The following LRRC7 variants were observed in gnomAD, a reference collection of about 807,000 sequenced individuals.
The protein encoded by LRRC7 is leucine rich repeat containing 7.
Under a neutral mutation model 175.7 loss-of-function variants are expected in LRRC7, and 23 were observed. The observed-to-expected ratio is 0.13, with a 90% CI of 0.09 to 0.19. LRRC7 has a LOEUF of 0.19. Ranked by LOEUF, LRRC7 falls within the 10% of genes least tolerant of loss-of-function variation. LRRC7 has a pLI of 1.00. For synonymous variants in LRRC7, 685 were observed against 680.9 expected, an observed-to-expected ratio of 1.01 and a Z score of -0.09; for missense variants, 1,354 against 1,904.7, an observed-to-expected ratio of 0.71 and a Z score of 5.38.
rs924326440 is a variant in LRRC7, at chr1:69,634,381, C to T, written c.3-44000C>T. 5.9e-5 allele frequency among the ~76,000 whole-genome samples: 9 copies of T among 152,042 alleles called. No homozygotes were observed. In the South Asian group the frequency reaches 1.4e-3, roughly 24 times the overall value. ...TTAGATAATACATTATATATTCATG[C>T]GGTCTGCAAGATCTTTGAGATAATC... On this transcript the variant is annotated intron_variant, in intron 1 of 26. Transcript: ENST00000651989.
intron 7 of LRRC7, among the ~76,000 whole-genome samples, chr1:69,912,160 C>T (rs995143506): frequency 7.2e-5 from 11 of 152,004 alleles, no homozygotes; most frequent in Non-Finnish European, 1.3e-4. Context: ...TACTGAGCAA[C>T]GATTGTACAT....
intron 7 of LRRC7, among the ~76,000 whole-genome samples, chr1:69,908,066 T>C (rs1015448287): frequency 1.6e-4 from 25 of 152,358 alleles, no homozygotes; most frequent in African/African-American, 6.0e-4. Flanking sequence ...TTTGTAGTAT[T>C]CTCTGATGGT....
chr1:70,085,210 T>C (rs564121395), intron 24 of LRRC7, among the ~76,000 whole-genome samples: 4 of 152,284 alleles, frequency 2.6e-5, no homozygotes, highest in Non-Finnish European at 4.4e-5. Flanking sequence ...CATTGCCTAA[T>C]CTAAGGTGAT....
intron 7 of LRRC7, among the ~76,000 whole-genome samples, chr1:69,843,205 A>C (rs539691088): frequency 3.4e-4 from 51 of 152,088 alleles, no homozygotes; most frequent in African/African-American, 1.0e-3. Flanking sequence ...ACAAAGCAAA[A>C]AACAACAACA....
At chr1:69,980,355 C>T in intron 8 of LRRC7, 24 bp from the exon 9 acceptor site, 8 of 1,581,346 alleles carry the variant, frequency 5.1e-6, no homozygotes, top group Non-Finnish European at 6.9e-6. Flanking sequence ...TTTCCTCTCT[C>T]CTTCCTCCCC....
At chr1:69,939,710 A>G (rs1459762927) in intron 8 of LRRC7, among the ~76,000 whole-genome samples, 1 of 152,152 alleles carries the variant, frequency 6.6e-6, no homozygotes, top group Non-Finnish European at 1.5e-5. Flanking sequence ...CATTTTCTCC[A>G]GAAAGTTTTC....
chr1:69,778,671 G>C (rs41522848), intron 3 of LRRC7, among the ~76,000 whole-genome samples: 1,888 of 152,150 alleles, frequency 0.012, 30 homozygotes, highest in African/African-American at 0.043. Context: ...GGCTAAGTAT[G>C]AATGGAGTCA....
rs570322947 is a variant in LRRC7 at position 69,919,414 on chromosome 1, G to C, written c.648-12093G>C. On this transcript the variant is annotated intron_variant, in intron 7 of 26. Coordinates refer to ENST00000651989, the MANE Select transcript of LRRC7 (RefSeq NM_001370785.2). ...GGAAAAGCGCATGAGCCGCCCCTCAGGCCGAGGGTACTACTTCAACCACAT... is the reference window on the plus strand; with the variant it reads ...GGAAAAGCGCATGAGCCGCCCCTCACGCCGAGGGTACTACTTCAACCACAT... The C allele has an allele frequency of 1.2e-4, 98 of 803,652 alleles. No individual in the cohort carries two copies. In the African/African-American group the frequency reaches 1.5e-3, roughly 12 times the overall value. 49.8% of individuals were successfully genotyped at this position (803,652 alleles called of 1,614,324 possible). A position where few individuals can be genotyped will look rare whatever the true frequency, so the allele number is the denominator to read the frequency against.
intron 8 of LRRC7, among the ~76,000 whole-genome samples, chr1:69,966,910 A>C (rs1394335952): frequency 6.6e-6 from 1 of 152,250 alleles, no homozygotes; most frequent in Non-Finnish European, 1.5e-5. Context: ...GGAAACCTCC[A>C]GTTGAACTTT....
rs1665617169 is a variant in LRRC7, at chr1:69,717,810, G to GAAAGAAAGAAAGAAAT, written c.100+39347_100+39348insTAAAGAAAGAAAGAAA. On this transcript the variant is annotated intron_variant, in intron 2 of 26. Coordinates refer to ENST00000651989, the MANE Select transcript of LRRC7 (RefSeq NM_001370785.2). Reference sequence around the variant, plus strand: ...AGAAAGAAAGAAAGAAAGAAAGAAAGAAAGAAAGAAAGAAAGAAAGAAAGA... The same window carrying GAAAGAAAGAAAGAAAT: ...AGAAAGAAAGAAAGAAAGAAAGAAAGAAAGAAAGAAAGAAATAAAGAAAGAAAGAAAGAAAGAAAGA... Among the ~76,000 whole-genome samples, 3 of 24,268 alleles carry GAAAGAAAGAAAGAAAT rather than the reference G, an allele frequency of 1.2e-4. 1 individual carries two copies. The highest frequency in any genetic ancestry group is 8.1e-4 in the African/African-American group (3 of 3,682). 15.9% of individuals were successfully genotyped at this position (24,268 alleles called of 152,430 possible).
intron 1 of LRRC7, among the ~76,000 whole-genome samples, chr1:69,666,761 AT>A (rs1204480259): frequency 1.3e-5 from 2 of 151,450 alleles, no homozygotes; most frequent in Non-Finnish European, 2.9e-5. Flanking sequence ...AAAAAAAATT[AT>A]TTTTTTCATT....
intron 3 of LRRC7, among the ~76,000 whole-genome samples, chr1:69,772,668 T>A (rs922322078): frequency 6.6e-6 from 1 of 152,198 alleles, no homozygotes; most frequent in African/African-American, 2.4e-5. Flanking sequence ...TCAACTAGAC[T>A]GACAATAGTG....
chr1:69,785,499 T>C (rs922474515), intron 3 of LRRC7, among the ~76,000 whole-genome samples: 1 of 152,152 alleles, frequency 6.6e-6, no homozygotes, highest in Non-Finnish European at 1.5e-5. Flanking sequence ...AAGGCAATCA[T>C]TGATGCATTT....
intron 9 of LRRC7, among the ~76,000 whole-genome samples, chr1:69,982,434 C>G (rs1337035429): frequency 1.3e-5 from 2 of 152,110 alleles, no homozygotes; most frequent in African/African-American, 2.4e-5. Flanking sequence ...AGTGTGGTCT[C>G]CAGCCTATGT....
chr1:69,992,715 C>T (rs892484050), intron 10 of LRRC7, among the ~76,000 whole-genome samples: 1 of 152,150 alleles, frequency 6.6e-6, no homozygotes, highest in African/African-American at 2.4e-5. Flanking sequence ...TTGCTTCAAC[C>T]TTTAAAGATA....
intron 7 of LRRC7, among the ~76,000 whole-genome samples, chr1:69,896,092 A>G (rs1645971140): frequency 6.6e-6 from 1 of 152,120 alleles, no homozygotes; most frequent in Admixed American, 6.5e-5. Flanking sequence ...TATGATAGTG[A>G]CTAAAAGGGT....
intron 24 of LRRC7, among the ~76,000 whole-genome samples, chr1:70,086,880 G>T (rs1663651428): frequency 6.6e-6 from 1 of 152,028 alleles, no homozygotes; most frequent in African/African-American, 2.4e-5. Flanking sequence ...CTGCTTCCTG[G>T]ATGTAAGGTA....
rs1401129626 is a variant in LRRC7, at chr1:70,130,846, G to A, written c.*8959G>A. 6.6e-6 allele frequency among the ~76,000 whole-genome samples: 1 copy of A among 152,114 alleles called. No homozygotes were observed. The highest frequency in any genetic ancestry group is 1.5e-5 in the Non-Finnish European group (1 of 68,030). ...CTACGGAAGTGTAGTTGAGAGAAAG[G>A]GGTCTCCACCTACCTATTTAGCTCT... On this transcript the variant is annotated 3_prime_UTR_variant, in exon 27 of 27. Transcript: ENST00000651989.
intron 1 of LRRC7, among the ~76,000 whole-genome samples, chr1:69,612,753 A>G (rs1648970539): frequency 6.6e-6 from 1 of 152,120 alleles, no homozygotes; most frequent in Non-Finnish European, 1.5e-5. Flanking sequence ...CGTAACTGAA[A>G]CATATGTATA....
Sources: gnomAD v4.1 joint callset for allele counts (sites outside exome capture counted in the v4.1 genomes callset) on GRCh38, gnomAD v4.1.1 for gene constraint, MANE v1.5 for transcripts, NCBI Gene and HGNC (gene_info 2026-07-23, HGNC 2026-07-21) for gene names.